CDK14: variants seen among roughly 807,000 people sequenced by gnomAD.
The protein encoded by CDK14 is cyclin dependent kinase 14.
Under a neutral mutation model 60.7 loss-of-function variants are expected in CDK14, and 34 were observed. That is an observed-to-expected ratio of 0.56 (90% confidence interval 0.43 to 0.75). The LOEUF is 0.75. Ranked by LOEUF, CDK14 falls within the 30% of genes least tolerant of loss-of-function variation. The probability of loss-of-function intolerance (pLI) is 0.00; values close to 1 mark genes in which losing one functional copy is unlikely to be tolerated. For missense variants in CDK14, 482 were observed against 564.1 expected, an observed-to-expected ratio of 0.85 and a Z score of 1.47; for synonymous variants, 197 against 203.7, an observed-to-expected ratio of 0.97 and a Z score of 0.28.
chr7:90,914,198 A>G (rs1162344325), intron 7 of CDK14, among the ~76,000 whole-genome samples: 1 of 151,872 alleles, frequency 6.6e-6, no homozygotes, highest in Non-Finnish European at 1.5e-5. Flanking sequence ...TGAATGCTCA[A>G]CTCGTTCCTT....
intron 13 of CDK14, among the ~76,000 whole-genome samples, chr7:91,113,679 A>G (rs1584079877): frequency 6.6e-6 from 1 of 152,162 alleles, no homozygotes; most frequent in Non-Finnish European, 1.5e-5. Context: ...CAGTAGACAT[A>G]TGATTATTTC....
At chr7:90,792,666 T>A (rs556135213) in intron 5 of CDK14, among the ~76,000 whole-genome samples, 10 of 152,244 alleles carry the variant, frequency 6.6e-5, no homozygotes, top group African/African-American at 2.4e-4. Context: ...CCACCCCTAG[T>A]CCAGGATACC....
intron 8 of CDK14, among the ~76,000 whole-genome samples, chr7:90,939,242 T>C (rs1038167706): frequency 1.3e-5 from 2 of 152,222 alleles, no homozygotes; most frequent in African/African-American, 4.8e-5. Context: ...TTATTTGGAC[T>C]GACAAGATGG....
chr7:90,741,096 A>C (rs1229305315), intron 3 of CDK14, among the ~76,000 whole-genome samples: 3 of 152,176 alleles, frequency 2.0e-5, no homozygotes, highest in Non-Finnish European at 4.4e-5. Context: ...ATGCTTGGTT[A>C]GGAAATGGGT....
intron 14 of CDK14, among the ~76,000 whole-genome samples, chr7:91,174,107 T>C (rs1383855054): frequency 1.3e-5 from 2 of 152,086 alleles, no homozygotes; most frequent in Non-Finnish European, 2.9e-5. Flanking sequence ...CAGCTGGAGA[T>C]CTGAGAACGG....
chr7:90,931,066 T>G (rs964523187), intron 8 of CDK14, among the ~76,000 whole-genome samples: 16 of 152,216 alleles, frequency 1.1e-4, no homozygotes, highest in Admixed American at 9.2e-4. Context: ...ATAGGTATAT[T>G]ACAGATAAGT....
At chr7:90,865,567 A>G (rs1330293832) in intron 6 of CDK14, among the ~76,000 whole-genome samples, 4 of 152,294 alleles carry the variant, frequency 2.6e-5, no homozygotes, top group Admixed American at 2.6e-4. Context: ...ATTATTAAAC[A>G]TTAAGTGCCT....
chr7:91,136,376 A>G (rs1011280771), intron 14 of CDK14, among the ~76,000 whole-genome samples: 2 of 152,202 alleles, frequency 1.3e-5, no homozygotes, highest in Non-Finnish European at 2.9e-5. Flanking sequence ...TTTCAACTTC[A>G]CTAGTTGATT....
rs1256803162 is a variant in CDK14 at position 91,006,452 on chromosome 7, A to G, written c.1041+22211A>G. On this transcript the variant is annotated intron_variant, in intron 10 of 14. Transcript: ENST00000380050. ...CATAACTCCTGGATAGAAATTCCTT[A>G]CTACCAACACACGTGCTACTAAATT... Among the ~76,000 whole-genome samples, 3 of 152,234 alleles carry G rather than the reference A, an allele frequency of 2.0e-5. No individual in the cohort carries two copies. The East Asian group carries it at 5.8e-4, about 29-fold the overall frequency.
At chr7:90,631,131 G>C (rs903859528) in intron 2 of CDK14, among the ~76,000 whole-genome samples, 5 of 152,086 alleles carry the variant, frequency 3.3e-5, no homozygotes, top group Non-Finnish European at 7.4e-5. Flanking sequence ...CTGCCTTCTG[G>C]TCTTGGTTTA....
intron 5 of CDK14, among the ~76,000 whole-genome samples, chr7:90,853,811 T>C (rs2117188948): frequency 6.6e-6 from 1 of 152,254 alleles, no homozygotes; most frequent in East Asian, 1.9e-4. Context: ...GGGATAGGAC[T>C]CCATGAATCT....
intron 2 of CDK14, among the ~76,000 whole-genome samples, chr7:90,659,460 T>C (rs990931003): frequency 6.6e-6 from 1 of 152,182 alleles, no homozygotes; most frequent in Non-Finnish European, 1.5e-5. Context: ...TCAATAAATA[T>C]ACGTTTCTTG....
At chr7:91,096,058 A>T (rs1393284735) in intron 12 of CDK14, among the ~76,000 whole-genome samples, 1 of 94,400 alleles carries the variant, frequency 1.1e-5, no homozygotes, top group Non-Finnish European at 2.0e-5. Flanking sequence ...ATATTACCAC[A>T]ATTTGCCAAA....
chr7:90,680,291 T>C (rs1801287840), intron 2 of CDK14, among the ~76,000 whole-genome samples: 1 of 152,172 alleles, frequency 6.6e-6, no homozygotes, highest in Non-Finnish European at 1.5e-5. Flanking sequence ...GAGATGAATT[T>C]AAATTTGGTT....
At chr7:91,014,061 C>A (rs1796237482) in intron 10 of CDK14, among the ~76,000 whole-genome samples, 2 of 151,922 alleles carry the variant, frequency 1.3e-5, no homozygotes, top group African/African-American at 4.8e-5. Flanking sequence ...CTTGAAATAT[C>A]ACACTAGATG....
At chr7:90,857,867 T>G (rs1013297501) in intron 5 of CDK14, among the ~76,000 whole-genome samples, 3 of 152,198 alleles carry the variant, frequency 2.0e-5, no homozygotes, top group African/African-American at 7.2e-5. Flanking sequence ...AAGTTAGTCA[T>G]GTCTGTCACC....
intron 14 of CDK14, among the ~76,000 whole-genome samples, chr7:91,170,726 A>G (rs1050850771): frequency 6.6e-6 from 1 of 152,024 alleles, no homozygotes; most frequent in African/African-American, 2.4e-5. Flanking sequence ...TAACTTTTAC[A>G]AAAAACTCGT....
intron 2 of CDK14, among the ~76,000 whole-genome samples, chr7:90,672,712 T>C (rs1164159681): frequency 6.6e-6 from 1 of 151,792 alleles, no homozygotes; most frequent in Non-Finnish European, 1.5e-5. Context: ...TTTGTAGAGA[T>C]GGGGTCTCAC....
intron 4 of CDK14, among the ~76,000 whole-genome samples, chr7:90,750,516 T>C (rs1366051322): frequency 2.0e-5 from 3 of 152,128 alleles, no homozygotes; most frequent in Non-Finnish European, 4.4e-5. Flanking sequence ...AAGAAGGAGA[T>C]ATAACATCTT....
Sources: allele counts gnomAD v4.1 joint callset (sites outside exome capture counted in the v4.1 genomes callset), GRCh38; gene constraint gnomAD v4.1.1; transcripts MANE v1.5; gene names NCBI Gene and HGNC (gene_info 2026-07-23, HGNC 2026-07-21).